The following FAM47E variants were observed in gnomAD, a reference collection of about 807,000 sequenced individuals.
FAM47E encodes the protein family with sequence similarity 47 member E.
Under a neutral mutation model 41.6 loss-of-function variants are expected in FAM47E, and 32 were observed. The observed-to-expected ratio is 0.77, with a 90% CI of 0.58 to 1.03. The LOEUF (loss-of-function observed/expected upper bound fraction) is 1.03. Among genes scored for constraint, FAM47E ranks in the 50% least tolerant of loss-of-function variants. The pLI is 0.00. For missense variants in FAM47E, 424 were observed against 485.4 expected, an observed-to-expected ratio of 0.87 and a Z score of 1.19; for synonymous variants, 184 against 188.7, an observed-to-expected ratio of 0.98 and a Z score of 0.20.
chr4:76,218,647 CT>C (rs1036949527), intron 2 of FAM47E, among the ~76,000 whole-genome samples: 1 of 152,058 alleles, frequency 6.6e-6, no homozygotes, highest in African/African-American at 2.4e-5. Flanking sequence ...TCTTCAAATT[CT>C]TATTTTCCTT....
chr4:76,241,560 A>G (rs1733712152), intron 2 of FAM47E, among the ~76,000 whole-genome samples: 1 of 152,126 alleles, frequency 6.6e-6, no homozygotes, highest in Non-Finnish European at 1.5e-5. Context: ...GGGTTTGGCT[A>G]CTATTGGCTA....
chr4:76,246,389 A>T (rs2109995549), intron 2 of FAM47E, among the ~76,000 whole-genome samples: 1 of 152,184 alleles, frequency 6.6e-6, no homozygotes, highest in African/African-American at 2.4e-5. Context: ...CTTCCCCTGG[A>T]TGAGTACCAC....
chr4:76,257,995 A>G (rs1057424844), intron 2 of FAM47E, among the ~76,000 whole-genome samples: 1 of 152,232 alleles, frequency 6.6e-6, no homozygotes, highest in Non-Finnish European at 1.5e-5. Context: ...ATTGCTGATC[A>G]GTTAATTTCT....
chr4:76,255,712 G>T (rs1473843618), intron 1 of FAM47E, among the ~76,000 whole-genome samples: 1 of 152,158 alleles, frequency 6.6e-6, no homozygotes, highest in Non-Finnish European at 1.5e-5. Context: ...ATGAAATGTG[G>T]TGGCGGCAGT....
chr4:76,216,466 A>T (rs1397616406), intron 1 of FAM47E, among the ~76,000 whole-genome samples: 1 of 151,384 alleles, frequency 6.6e-6, no homozygotes, highest in Non-Finnish European at 1.5e-5. Flanking sequence ...ATAGGTACCC[A>T]CTCCTCCCAT....
chr4:76,220,882 G>T (rs1733294195), intron 2 of FAM47E, among the ~76,000 whole-genome samples: 3 of 152,164 alleles, frequency 2.0e-5, no homozygotes, highest in Admixed American at 2.0e-4. Context: ...GCTCACCTGG[G>T]ATCAGCTGGG....
At chr4:76,214,095 C>T (rs763484556) in exon 1 of FAM47E, 1 of 373,402 alleles carries the variant, frequency 2.7e-6, no homozygotes, top group South Asian at 1.9e-5. Flanking sequence ...GAACCTGGTT[C>T]ACACACTCAT....
intron 4 of FAM47E, 193 bp downstream of exon 4, chr4:76,268,961 C>A: frequency 1.5e-6 from 1 of 654,226 alleles, no homozygotes; most frequent in African/African-American, 1.9e-5. Flanking sequence ...AGAAATATTT[C>A]TGGTAGATGA....
chr4:76,253,125 G>A (rs1734042182), intron 1 of FAM47E, among the ~76,000 whole-genome samples: 2 of 152,172 alleles, frequency 1.3e-5, no homozygotes, highest in South Asian at 2.1e-4. Context: ...GAATAATACA[G>A]TATGTAACTG....
intron 1 of FAM47E, among the ~76,000 whole-genome samples, chr4:76,254,140 A>C (rs992194787): frequency 1.3e-5 from 2 of 151,938 alleles, no homozygotes; most frequent in African/African-American, 4.8e-5. Flanking sequence ...AAAAAAAAAA[A>C]AAAACAGAAA....
chr4:76,264,568 A>G (rs1041718241), intron 3 of FAM47E, among the ~76,000 whole-genome samples: 4 of 152,068 alleles, frequency 2.6e-5, no homozygotes, highest in African/African-American at 9.7e-5. Context: ...TTTACTGGAC[A>G]CAAATAGATT....
At chr4:76,236,436 GAA>G (rs1733587644) in intron 2 of FAM47E, 1 of 152,152 alleles carries the variant, frequency 6.6e-6, no homozygotes, top group Admixed American at 6.5e-5. Context: ...GGTTGTTGAT[GAA>G]AAGAGTCAAA....
At chr4:76,249,322 A>G (rs538812185), upstream of FAM47E, among the ~76,000 whole-genome samples, 134 of 152,264 alleles carry the variant, frequency 8.8e-4, no homozygotes, top group African/African-American at 3.1e-3. Context: ...CATATGGACA[A>G]ATTGTTTATT....
At chr4:76,242,968 A>C (rs538319628) in intron 2 of FAM47E, among the ~76,000 whole-genome samples, 1 of 152,230 alleles carries the variant, frequency 6.6e-6, no homozygotes, top group Admixed American at 6.5e-5. Flanking sequence ...ACAATCTTAT[A>C]ACATAGACTG....
At chr4:76,275,742 A>C (rs756508910) in intron 5 of FAM47E, among the ~76,000 whole-genome samples, 2 of 152,196 alleles carry the variant, frequency 1.3e-5, no homozygotes, top group Non-Finnish European at 2.9e-5. Context: ...CCAGTTACCC[A>C]ACAACATAAC....
At chr4:76,258,840 T>C (rs1734291306) in intron 2 of FAM47E, among the ~76,000 whole-genome samples, 1 of 152,222 alleles carries the variant, frequency 6.6e-6, no homozygotes, top group Non-Finnish European at 1.5e-5. Flanking sequence ...GGTGGACCTA[T>C]TACCTTGCTA....
chr4:76,282,038 A>AACATTTGTATGTAGAAGTACAGT lies in FAM47E; in HGVS notation c.1105-1319_1105-1297dup, dbSNP rs34435377. The AACATTTGTATGTAGAAGTACAGT allele has an allele frequency of 2.4e-3, 358 of 151,286 alleles. 3 individuals are homozygous for AACATTTGTATGTAGAAGTACAGT. The highest frequency in any genetic ancestry group is 8.0e-3 in the African/African-American group (328 of 41,226). The allele number at this position is 151,286 out of a possible 1,614,324, so 9.4% of individuals were successfully genotyped here. Reference sequence around the variant, plus strand: ...TGGGGATGAAGTAATTCTTTAACATAACATTTGTATGTAGAAGTACAGTAC... The same window carrying AACATTTGTATGTAGAAGTACAGT: ...TGGGGATGAAGTAATTCTTTAACATAACATTTGTATGTAGAAGTACAGTACATTTGTATGTAGAAGTACAGTAC... On this transcript the variant is annotated intron_variant, in intron 7 of 7. Transcript: ENST00000424749.
intron 6 of FAM47E, 152 bp downstream of exon 6, chr4:76,278,376 TAATGTTAAGG>T: frequency 1.2e-6 from 1 of 808,994 alleles, no homozygotes; most frequent in Non-Finnish European, 1.7e-6. Flanking sequence ...GAAAGCTAAG[TAATGTTAAGG>T]AGAATGTGTA....
intron 1 of FAM47E, among the ~76,000 whole-genome samples, chr4:76,254,004 C>T (rs371944670): frequency 6.6e-6 from 1 of 151,836 alleles, no homozygotes; most frequent in Non-Finnish European, 1.5e-5. Context: ...CACCTGTAGT[C>T]CCAACTACTT....
Sources: allele counts gnomAD v4.1 joint callset (sites outside exome capture counted in the v4.1 genomes callset), GRCh38; gene constraint gnomAD v4.1.1; transcripts MANE v1.5; gene names NCBI Gene and HGNC (gene_info 2026-07-23, HGNC 2026-07-21).